PLIN2: variants seen among roughly 807,000 people sequenced by gnomAD.
PLIN2 encodes the protein perilipin 2, also known as perilipin-2.
PLIN2 carries 33 observed loss-of-function variants against 30.6 expected under a neutral mutation model. The observed-to-expected ratio is 1.08, with a 90% CI of 0.82 to 1.44. The LOEUF (loss-of-function observed/expected upper bound fraction) is 1.44. PLIN2 is among the 40% of genes most tolerant of loss of function. PLIN2 has a pLI of 0.00. For synonymous variants in PLIN2, 205 were observed against 201.1 expected (o/e 1.02, Z -0.16); for missense variants, 610 against 531.8 (o/e 1.15, Z -1.45).
downstream of PLIN2, among the ~76,000 whole-genome samples, chr9:19,113,685 G>C (rs1356478139): frequency 6.7e-6 from 1 of 148,622 alleles, no homozygotes; most frequent in Non-Finnish European, 1.5e-5. Context: ...GGGGATTCTT[G>C]TGCCTCAGCC....
downstream of PLIN2, among the ~76,000 whole-genome samples, chr9:19,114,909 G>A (rs1029197393): frequency 1.3e-5 from 2 of 152,140 alleles, no homozygotes; most frequent in African/African-American, 2.4e-5. Context: ...TCTTCTATAC[G>A]TATGTCCCCA....
chr9:19,117,142 T>C (rs1044736757), intron 7 of PLIN2, among the ~76,000 whole-genome samples: 22 of 152,030 alleles, frequency 1.4e-4, no homozygotes, highest in Admixed American at 1.3e-4. Context: ...TTTTCTTTCT[T>C]TCTTCTTTCT....
Position 19,126,486 on chromosome 9 carries a change from G to C in PLIN2, c.-22-38C>G. 3.8e-6 allele frequency: 5 copies of C among 1,319,716 alleles called. No individual in the cohort carries two copies. The South Asian group carries it at 6.0e-5, about 16-fold the overall frequency. 81.8% of individuals were successfully genotyped at this position (1,319,716 alleles called of 1,614,324 possible). On this transcript the variant is annotated intron_variant, in intron 1 of 7. Coordinates refer to ENST00000276914, the MANE Select transcript of PLIN2 (RefSeq NM_001122.4). ...GACTTATTTCAGAACACCGGGATAA[G>C]ACTCTCCCAAATTCATTCCCCAACC...
chr9:19,123,342 A>T (rs1418528286), intron 4 of PLIN2: 1 of 1,549,218 alleles, frequency 6.5e-7, no homozygotes, highest in African/African-American at 1.4e-5. Context: ...CAACACACTA[A>T]AAGTTTTCTA....
intron 4 of PLIN2, 188 bp downstream of exon 4, chr9:19,123,377 T>C (rs1041383465): frequency 1.3e-6 from 2 of 1,551,120 alleles, no homozygotes; most frequent in African/African-American, 1.4e-5. Flanking sequence ...AGTTCTTCTC[T>C]GCTTCGTAGA....
chr9:19,120,828 G>A (rs537819175), intron 5 of PLIN2, 52 bp downstream of exon 5: 5 of 1,427,716 alleles, frequency 3.5e-6, no homozygotes, highest in African/African-American at 2.8e-5. Flanking sequence ...CAATGAAGCT[G>A]TTTAAGAAAG....
chr9:19,113,880 T>C (rs1024016959), downstream of PLIN2, among the ~76,000 whole-genome samples: 5 of 151,332 alleles, frequency 3.3e-5, no homozygotes, highest in African/African-American at 1.2e-4. Flanking sequence ...GTTCAAACGA[T>C]TCTCCTGCCT....
In PLIN2 at chr9:19,120,966, T is replaced by C. The variant is rs1312521384; in HGVS notation, c.509A>G (p.Gln170Arg). ...INTVLGSRMMQLVSSGVENAL... is the reference protein window; with the variant it reads ...INTVLGSRMMRLVSSGVENAL... ...ATTTTCTACGCCACTGCTCACGAGC[T>C]GCATCATCCGACTCCCCAAGACTGT... The change falls in exon 5 of 8, where the codon CAG becomes CGG. Residue 170 changes from glutamine to arginine, a missense_variant. Transcript: ENST00000276914. 11 of 1,614,064 alleles carry C rather than the reference T, an allele frequency of 6.8e-6. No homozygotes were observed. The highest frequency in any genetic ancestry group is 9.3e-6 in the Non-Finnish European group (11 of 1,180,010).
Position 19,126,895 on chromosome 9 carries a change from A to G in PLIN2, c.-22-447T>C, listed in dbSNP as rs184392781. ...CGTCTCTTCTAAAAATACAAAAATT[A>G]GCCGGGCGTGGTGGCGGGCGCCTGT... is the stretch of plus-strand genomic sequence containing the variant. On this transcript the variant is annotated intron_variant, in intron 1 of 7. Coordinates refer to ENST00000276914, the MANE Select transcript of PLIN2 (RefSeq NM_001122.4). Among the ~76,000 whole-genome samples the G allele has an allele frequency of 4.2e-3, 645 of 152,160 alleles. 4 individuals are homozygous for G. The highest frequency in any genetic ancestry group is 0.013 in the South Asian group (65 of 4,816).
chr9:19,120,957 C>A lies in PLIN2; in HGVS notation c.518G>T (p.Ser173Ile). Residue 173 changes from serine (S) to isoleucine (I), a missense_variant, in exon 5 of 8, where the codon AGC becomes ATC. Physicochemically the swap from Ser to Ile is moderately radical, Grantham distance 142. Transcript: ENST00000276914. ...VLGSRMMQLV[S>I]SGVENALTKS... ...GGTGAGTGCATTTTCTACGCCACTG[C>A]TCACGAGCTGCATCATCCGACTCCC... is the stretch of plus-strand genomic sequence containing the variant. The A allele has an allele frequency of 1.2e-6, 2 of 1,614,174 alleles. No homozygotes were observed. Among genetic ancestry groups the A allele is most frequent in the Non-Finnish European group, 1.7e-6 (2 of 1,179,994 alleles).
chr9:19,126,511 C>T, intron 1 of PLIN2, 63 bp from the exon 2 acceptor site: 1 of 1,054,298 alleles, frequency 9.5e-7, no homozygotes, highest in Non-Finnish European at 1.5e-6. Context: ...ATTCCCCAAC[C>T]CAAGCAAATG....
At chr9:19,118,573 A>C (rs533230561) in intron 6 of PLIN2, 118 bp from the exon 7 acceptor site, 1 of 835,308 alleles carries the variant, frequency 1.2e-6, no homozygotes, top group African/African-American at 1.7e-5. Flanking sequence ...GGAGTTGAAT[A>C]AGATCTATTC....
intron 4 of PLIN2, among the ~76,000 whole-genome samples, chr9:19,121,404 A>G (rs994361794): frequency 6.7e-6 from 1 of 149,532 alleles, no homozygotes; most frequent in Admixed American, 6.7e-5. Flanking sequence ...GTAAACAGAT[A>G]TGAAATTTGT....
intron 5 of PLIN2, among the ~76,000 whole-genome samples, chr9:19,120,277 C>T (rs1040428896): frequency 6.6e-6 from 1 of 151,986 alleles, no homozygotes; most frequent in Non-Finnish European, 1.5e-5. Context: ...TCTCAAACTC[C>T]TGAACTCAAG....
intron 6 of PLIN2, among the ~76,000 whole-genome samples, chr9:19,119,442 C>T (rs945490232): frequency 6.6e-6 from 1 of 152,142 alleles, no homozygotes; most frequent in African/African-American, 2.4e-5. Context: ...AGTATTTGAC[C>T]CCTCAGAGCG....
intron 3 of PLIN2, among the ~76,000 whole-genome samples, chr9:19,124,352 A>T (rs975909115): frequency 2.0e-5 from 3 of 152,130 alleles, no homozygotes; most frequent in African/African-American, 7.2e-5. Context: ...TTACTTCAGC[A>T]CAGGTCAGTG....
At chr9:19,118,909 T>C (rs1818271224) in intron 6 of PLIN2, among the ~76,000 whole-genome samples, 1 of 152,112 alleles carries the variant, frequency 6.6e-6, no homozygotes, top group Non-Finnish European at 1.5e-5. Context: ...GCCAGACTGG[T>C]CTCGAACTCC....
At chr9:19,111,596 C>G (rs1430535520), downstream of PLIN2, among the ~76,000 whole-genome samples, 1 of 150,942 alleles carries the variant, frequency 6.6e-6, no homozygotes, top group African/African-American at 2.4e-5. Context: ...TTTTTTTTTT[C>G]AGGAGTTAAT....
At chr9:19,124,354 A>G (rs1818365163) in intron 3 of PLIN2, among the ~76,000 whole-genome samples, 1 of 152,114 alleles carries the variant, frequency 6.6e-6, no homozygotes, top group Non-Finnish European at 1.5e-5. Flanking sequence ...ACTTCAGCAC[A>G]GGTCAGTGTA....
Sources: allele counts gnomAD v4.1 joint callset (sites outside exome capture counted in the v4.1 genomes callset), GRCh38; gene constraint gnomAD v4.1.1; transcripts MANE v1.5; gene names NCBI Gene and HGNC (gene_info 2026-07-23, HGNC 2026-07-21).